The following ABTB3 variants were observed in gnomAD, a reference collection of about 807,000 sequenced individuals.
ABTB3 encodes the protein ankyrin repeat and BTB domain containing 3, also known as ankyrin repeat- and BTB/POZ domain-containing protein 3.
chr12:107,321,782 A>G, the ABTB3 span, among the ~76,000 whole-genome samples: 1 of 152,182 alleles, frequency 6.6e-6, no homozygotes, highest in Non-Finnish European at 1.5e-5. Context: ...CAAAAAGCAC[A>G]GAGGGGCTTA....
At chr12:107,421,613 G>C in the ABTB3 span, among the ~76,000 whole-genome samples, 5 of 152,272 alleles carry the variant, frequency 3.3e-5, no homozygotes, top group Admixed American at 6.5e-5. Context: ...TTCGGTAAAC[G>C]ATATAAGCCA....
At chr12:107,471,495 C>T in the ABTB3 span, among the ~76,000 whole-genome samples, 36,311 of 152,104 alleles carry the variant, frequency 0.24, 4,636 homozygotes, top group African/African-American at 0.34. Flanking sequence ...GTAAAAATAA[C>T]AGCTTATAGG....
At chr12:107,558,571 A>C in the ABTB3 span, among the ~76,000 whole-genome samples, 2 of 152,156 alleles carry the variant, frequency 1.3e-5, no homozygotes, top group East Asian at 1.9e-4. Flanking sequence ...GGAGAAGCAT[A>C]AGCAAAATCC....
At chr12:107,358,675 A>G in the ABTB3 span, among the ~76,000 whole-genome samples, 1 of 151,972 alleles carries the variant, frequency 6.6e-6, no homozygotes, top group Admixed American at 6.6e-5. Context: ...GCTCACCACA[A>G]CCTCCGCCTC....
chr12:107,447,981 A>G, the ABTB3 span, among the ~76,000 whole-genome samples: 14 of 152,286 alleles, frequency 9.2e-5, no homozygotes, highest in African/African-American at 3.1e-4. Flanking sequence ...AAGGAGTTGC[A>G]TGGGCTGAGA....
At chr12:107,544,976 G>T in the ABTB3 span, among the ~76,000 whole-genome samples, 1 of 152,300 alleles carries the variant, frequency 6.6e-6, no homozygotes, top group East Asian at 1.9e-4. Flanking sequence ...CACATAGTAG[G>T]TGCTCAATAA....
At chr12:107,655,614 G>C in the ABTB3 span, among the ~76,000 whole-genome samples, 2 of 152,248 alleles carry the variant, frequency 1.3e-5, no homozygotes, top group African/African-American at 4.8e-5. Flanking sequence ...TAGATGCTAA[G>C]AGCCACGTTC....
the ABTB3 span, among the ~76,000 whole-genome samples, chr12:107,457,584 GA>G: frequency 6.6e-6 from 1 of 152,144 alleles, no homozygotes; most frequent in African/African-American, 2.4e-5. Context: ...TGTTAGAGCA[GA>G]AAAAAATGCT....
chr12:107,513,493 C>T, the ABTB3 span, among the ~76,000 whole-genome samples: 8 of 152,168 alleles, frequency 5.3e-5, no homozygotes, highest in Non-Finnish European at 7.3e-5. Flanking sequence ...TCTGTCCTGC[C>T]GCCCTGTGAA....
At chr12:107,346,185 T>C in the ABTB3 span, among the ~76,000 whole-genome samples, 1 of 152,184 alleles carries the variant, frequency 6.6e-6, no homozygotes, top group Non-Finnish European at 1.5e-5. Flanking sequence ...TTAGGGATTC[T>C]TTTGGGGGCT....
the ABTB3 span, chr12:107,657,694 G>A: frequency 1.3e-5 from 21 of 1,614,074 alleles, no homozygotes; most frequent in African/African-American, 6.7e-5. Flanking sequence ...TCCACTTGTC[G>A]TCTTCCAAAG....
the ABTB3 span, among the ~76,000 whole-genome samples, chr12:107,616,799 G>A: frequency 6.6e-6 from 1 of 152,200 alleles, no homozygotes; most frequent in African/African-American, 2.4e-5. Context: ...TTGTTAAAAT[G>A]CAGACTCTCA....
At chr12:107,328,153 G>T in the ABTB3 span, among the ~76,000 whole-genome samples, 1 of 152,158 alleles carries the variant, frequency 6.6e-6, no homozygotes, top group Non-Finnish European at 1.5e-5. Context: ...AATAGAGCTA[G>T]CCACCTCAAC....
the ABTB3 span, among the ~76,000 whole-genome samples, chr12:107,420,414 G>T: frequency 6.6e-6 from 1 of 152,170 alleles, no homozygotes; most frequent in Non-Finnish European, 1.5e-5. Context: ...AAGAGCAAAG[G>T]CATGTCTTAC....
chr12:107,614,967 C>T, the ABTB3 span: 4 of 1,052,666 alleles, frequency 3.8e-6, no homozygotes, highest in Non-Finnish European at 4.3e-6. Flanking sequence ...TTTTGTCCAT[C>T]TCTAGCCCAT....
chr12:107,527,488 T>C, the ABTB3 span, among the ~76,000 whole-genome samples: 2 of 152,178 alleles, frequency 1.3e-5, no homozygotes, highest in Non-Finnish European at 2.9e-5. Flanking sequence ...GCCAGGCTGA[T>C]CTCAAACTCT....
chr12:107,389,944 A>G, the ABTB3 span, among the ~76,000 whole-genome samples: 5 of 151,672 alleles, frequency 3.3e-5, no homozygotes, highest in Middle Eastern at 3.4e-3. Context: ...AAGCCTTTCC[A>G]TGATGTCTTT....
At chr12:107,428,094 C>T in the ABTB3 span, among the ~76,000 whole-genome samples, 1 of 152,212 alleles carries the variant, frequency 6.6e-6, no homozygotes, top group Non-Finnish European at 1.5e-5. Context: ...TGCTCTTTGA[C>T]TCTCGCAGCA....
chr12:107,643,401 TCAAAAAA>T, the ABTB3 span, among the ~76,000 whole-genome samples: 82 of 67,628 alleles, frequency 1.2e-3, 1 homozygote, highest in South Asian at 2.8e-3. Flanking sequence ...AGACCCTATC[TCAAAAAA>T]AAAAAAAAAA....
Sources: allele counts gnomAD v4.1 joint callset (sites outside exome capture counted in the v4.1 genomes callset), GRCh38; gene constraint gnomAD v4.1.1; transcripts MANE v1.5; gene names NCBI Gene and HGNC (gene_info 2026-07-23, HGNC 2026-07-21).